CSMD3: variants seen among roughly 807,000 people sequenced by gnomAD.
CSMD3 encodes CUB and sushi domain-containing protein 3.
In CSMD3, 177 loss-of-function variants were observed where a neutral mutation model predicts 435.2. The observed-to-expected ratio is 0.41, with a 90% CI of 0.36 to 0.46. The LOEUF is 0.46. Among genes scored for constraint, CSMD3 ranks in the 20% least tolerant of loss-of-function variants. The probability of loss-of-function intolerance (pLI) is 0.34; values close to 1 mark genes in which losing one functional copy is unlikely to be tolerated. For missense variants in CSMD3, 4,265 were observed against 4,504.6 expected (o/e 0.95, Z 1.52); for synonymous variants, 1,656 against 1,520.5 (o/e 1.09, Z -2.07).
chr8:112,756,299 A>G (rs185726905), intron 13 of CSMD3, among the ~76,000 whole-genome samples: 16 of 152,280 alleles, frequency 1.1e-4, no homozygotes, highest in African/African-American at 3.4e-4. Flanking sequence ...GCTTGGACCA[A>G]CTGCAGGGCT....
intron 16 of CSMD3, among the ~76,000 whole-genome samples, chr8:112,675,489 G>C (rs908602259): frequency 1.3e-5 from 2 of 152,054 alleles, no homozygotes; most frequent in Non-Finnish European, 2.9e-5. Flanking sequence ...TAGATCAAAG[G>C]GGGCACTGCT....
At chr8:112,934,960 A>G (rs557815148) in intron 9 of CSMD3, among the ~76,000 whole-genome samples, 2 of 151,982 alleles carry the variant, frequency 1.3e-5, no homozygotes, top group South Asian at 4.1e-4. Flanking sequence ...TTTTGGGGTC[A>G]TATCAAAAAA....
chr8:112,850,310 T>C (rs1175997367), intron 11 of CSMD3, among the ~76,000 whole-genome samples: 1 of 152,134 alleles, frequency 6.6e-6, no homozygotes, highest in East Asian at 1.9e-4. Flanking sequence ...TTATTAAAAA[T>C]TTACTTATAT....
intron 66 of CSMD3, among the ~76,000 whole-genome samples, chr8:112,237,758 G>C (rs1298178685): frequency 6.6e-6 from 1 of 152,050 alleles, no homozygotes; most frequent in Non-Finnish European, 1.5e-5. Flanking sequence ...AGTGGGAATA[G>C]ATTTTTAAGA....
In CSMD3 at chr8:113,028,398, A is replaced by G. The variant is rs569549297; in HGVS notation, c.918-9219T>C. Among the ~76,000 whole-genome samples the G allele has an allele frequency of 1.7e-3, 260 of 151,648 alleles. 4 individuals carry two copies. The highest frequency in any genetic ancestry group is 2.0e-3 in the Non-Finnish European group (138 of 67,690). Reference sequence around the variant, plus strand: ...AAGTGTGAAAATTAATAAATATACAATGGCCTCTAAGTGTTCAAGTGAAAG... The same window carrying G: ...AAGTGTGAAAATTAATAAATATACAGTGGCCTCTAAGTGTTCAAGTGAAAG... On this transcript the variant is annotated intron_variant, in intron 5 of 70. Coordinates refer to ENST00000297405, the MANE Select transcript of CSMD3 (RefSeq NM_198123.2).
chr8:113,379,241 A>T (rs74727389), intron 1 of CSMD3, among the ~76,000 whole-genome samples: 298 of 152,248 alleles, frequency 2.0e-3, no homozygotes, highest in South Asian at 9.7e-3. Context: ...ATGGAATTTT[A>T]AAAAAACTTG....
intron 11 of CSMD3, among the ~76,000 whole-genome samples, chr8:112,849,696 A>G (rs181857127): frequency 6.6e-6 from 1 of 152,052 alleles, no homozygotes; most frequent in Admixed American, 6.6e-5. Context: ...ATCAGGAGAT[A>G]AAAACAAAAT....
At chr8:112,875,748 C>T (rs112669623) in intron 10 of CSMD3, among the ~76,000 whole-genome samples, 6,736 of 152,154 alleles carry the variant, frequency 0.044, 170 homozygotes, top group African/African-American at 0.055. Context: ...ATTTCTCATG[C>T]TGTGTTTTTC....
chr8:113,286,993 A>G (rs1588444650), intron 2 of CSMD3, among the ~76,000 whole-genome samples: 1 of 152,142 alleles, frequency 6.6e-6, no homozygotes, highest in Middle Eastern at 3.4e-3. Context: ...ATTTAAAAAT[A>G]AAAGTGGTAC....
intron 32 of CSMD3, among the ~76,000 whole-genome samples, chr8:112,446,060 T>A (rs1444063658): frequency 6.6e-6 from 1 of 152,214 alleles, no homozygotes; most frequent in Admixed American, 6.5e-5. Flanking sequence ...ATTTTCTATA[T>A]TTTATTCTTG....
chr8:112,936,453 A>C (rs2083282987), intron 9 of CSMD3, among the ~76,000 whole-genome samples: 1 of 152,126 alleles, frequency 6.6e-6, no homozygotes, highest in South Asian at 2.1e-4. Flanking sequence ...CTCCTATGGA[A>C]ACTTAAGAAT....
Position 112,342,647 on chromosome 8 carries a change from C to T in CSMD3, c.6443-961G>A, listed in dbSNP as rs545116570. On this transcript the variant is annotated intron_variant, in intron 41 of 70. Coordinates refer to ENST00000297405, the MANE Select transcript of CSMD3 (RefSeq NM_198123.2). ...GACCCAGTAGGCTTGAACTGCAAAC[C>T]GAGGCATTCAGACTCTTAAGCTTAT... Among the ~76,000 whole-genome samples the T allele has an allele frequency of 7.9e-5, 12 of 152,010 alleles. No individual in the cohort carries two copies. In the South Asian group the frequency reaches 2.1e-3, roughly 26 times the overall value.
chr8:112,661,283 G>C (rs185638412), intron 17 of CSMD3, among the ~76,000 whole-genome samples: 2 of 152,220 alleles, frequency 1.3e-5, no homozygotes, highest in Non-Finnish European at 2.9e-5. Context: ...GTTTGAAACA[G>C]TCTAATTTCA....
chr8:112,254,319 G>T lies in CSMD3; in HGVS notation c.10044C>A (p.Thr3348=), dbSNP rs1815580334. 6.2e-7 allele frequency: 1 copy of T among 1,609,646 alleles called. No individual in the cohort carries two copies. The highest frequency in any genetic ancestry group is 8.5e-7 in the Non-Finnish European group (1 of 1,176,250). ...CACCTGGGTTTTCACAAGAGGTTTG[G>T]GTAGGCTCTAAAATGAAGATTAAAA... The part of the protein sequence containing the change: ...SGSSPHCIEP[T]QTSCENPGVP... Residue 3348 remains threonine, a synonymous_variant, in exon 63 of 71, where the codon ACC becomes ACA. Transcript: ENST00000297405.
intron 1 of CSMD3, among the ~76,000 whole-genome samples, chr8:113,386,754 A>C (rs899514791): frequency 6.6e-6 from 1 of 151,876 alleles, no homozygotes; most frequent in African/African-American, 2.4e-5. Context: ...AGTGGTTATT[A>C]AATAAGATTA....
intron 22 of CSMD3, among the ~76,000 whole-genome samples, chr8:112,633,028 TC>T (rs978203893): frequency 2.0e-5 from 3 of 152,016 alleles, no homozygotes; most frequent in African/African-American, 7.2e-5. Context: ...AATATCTATT[TC>T]AGATAGTAAA....
intron 2 of CSMD3, among the ~76,000 whole-genome samples, chr8:113,299,605 A>G (rs1258818518): frequency 6.6e-6 from 1 of 152,210 alleles, no homozygotes; most frequent in Non-Finnish European, 1.5e-5. Flanking sequence ...CAACAAACAC[A>G]TGAAAAAATG....
intron 1 of CSMD3, among the ~76,000 whole-genome samples, chr8:113,391,027 C>A (rs1336049932): frequency 4.0e-5 from 6 of 151,858 alleles, no homozygotes; most frequent in Admixed American, 2.6e-4. Flanking sequence ...TATCAGAAGT[C>A]GACAAGGCAC....
chr8:112,666,853 C>CCTTATTTGATTCACTTTTACCTTT (rs2075538900), intron 16 of CSMD3, among the ~76,000 whole-genome samples: 1 of 152,102 alleles, frequency 6.6e-6, no homozygotes, highest in Non-Finnish European at 1.5e-5. Context: ...AGAGTCACTT[C>CCTTATTTGATTCACTTTTACCTTT]ATTGATTCAG....
Sources: allele counts gnomAD v4.1 joint callset (sites outside exome capture counted in the v4.1 genomes callset), GRCh38; gene constraint gnomAD v4.1.1; transcripts MANE v1.5; gene names NCBI Gene and HGNC (gene_info 2026-07-23, HGNC 2026-07-21).